Variants in CCDC192 observed in about 807,000 individuals in gnomAD.
The protein encoded by CCDC192 is coiled-coil domain containing 192.
At chr5:127,918,963 G>C (rs1175009639) in intron 6 of CCDC192, among the ~76,000 whole-genome samples, 1 of 146,820 alleles carries the variant, frequency 6.8e-6, no homozygotes, top group Non-Finnish European at 1.5e-5. Context: ...ATATGTGTGT[G>C]TCTGTGTGTA....
At chr5:127,870,453 G>A (rs1218664066) in intron 5 of CCDC192, among the ~76,000 whole-genome samples, 1 of 152,208 alleles carries the variant, frequency 6.6e-6, no homozygotes, top group Admixed American at 6.5e-5. Context: ...GCAGACTGAA[G>A]TTGTCATTGG....
At chr5:127,760,266 GT>G (rs143610102) in intron 3 of CCDC192, among the ~76,000 whole-genome samples, 31 of 147,520 alleles carry the variant, frequency 2.1e-4, no homozygotes, top group South Asian at 4.3e-4. Context: ...TAATACAGTG[GT>G]TTTTTTTTTT....
intron 2 of CCDC192, among the ~76,000 whole-genome samples, chr5:127,726,673 G>A (rs907825147): frequency 6.6e-6 from 1 of 152,236 alleles, no homozygotes; most frequent in East Asian, 1.9e-4. Flanking sequence ...GCCTCTTGAG[G>A]CTGGACCTCG....
chr5:127,887,110 T>C (rs1003036793), intron 6 of CCDC192, among the ~76,000 whole-genome samples: 2 of 151,922 alleles, frequency 1.3e-5, no homozygotes, highest in African/African-American at 4.8e-5. Flanking sequence ...GGCTGATCAC[T>C]TGAGGTAGGG....
In CCDC192 at chr5:127,836,830, G is replaced by A. The variant is rs569646316; in HGVS notation, c.411+38668G>A. Among the ~76,000 whole-genome samples, 37 of 81,562 alleles carry A rather than the reference G, an allele frequency of 4.5e-4. 10 individuals are homozygous for A. The South Asian group carries it at 0.011, about 24-fold the overall frequency. 53.5% of individuals were successfully genotyped at this position (81,562 alleles called of 152,430 possible). A position where few individuals can be genotyped will look rare whatever the true frequency, so the allele number is the denominator to read the frequency against. ...GTTTTCCCTCCTAGGCCTTGGGTCTGTGATGGCAGGGGCTGCTATGAAGGT... is the reference window on the plus strand; with the variant it reads ...GTTTTCCCTCCTAGGCCTTGGGTCTATGATGGCAGGGGCTGCTATGAAGGT... On this transcript the variant is annotated intron_variant, in intron 5 of 6. Coordinates refer to ENST00000514853, the MANE Select transcript of CCDC192 (RefSeq NM_001317938.2).
intron 3 of CCDC192, chr5:127,786,587 CT>C: frequency 1.4e-6 from 1 of 721,066 alleles, no homozygotes. Flanking sequence ...TCACATATTC[CT>C]TTCGTCCTTT....
At chr5:127,874,754 C>T (rs771485396) in intron 5 of CCDC192, among the ~76,000 whole-genome samples, 49 of 152,248 alleles carry the variant, frequency 3.2e-4, no homozygotes, top group Admixed American at 1.4e-3. Flanking sequence ...AACACGAAAG[C>T]GCAAATGCAA....
intron 2 of CCDC192, among the ~76,000 whole-genome samples, chr5:127,708,719 G>A (rs996320827): frequency 2.0e-5 from 3 of 152,106 alleles, no homozygotes; most frequent in African/African-American, 7.2e-5. Flanking sequence ...CTTCAAATAA[G>A]ATTTTTGGGA....
intron 5 of CCDC192, among the ~76,000 whole-genome samples, chr5:127,828,243 A>G (rs1235947805): frequency 6.6e-6 from 1 of 152,110 alleles, no homozygotes; most frequent in Non-Finnish European, 1.5e-5. Flanking sequence ...TCCACGATTC[A>G]TTTTTCAGTC....
At position 127,802,531 on chromosome 5, in the gene CCDC192, G is replaced by GC. The variant is rs1158569824; in HGVS notation, c.411+4371dup. The stretch of plus-strand genomic sequence containing the variant: ...AATGCCTGTCCCTGCCATTGAGTTT[G>GC]CCAGACTTTCCCCATTCTTTATCAA... On this transcript the variant is annotated intron_variant, in intron 5 of 6. Coordinates refer to ENST00000514853, the MANE Select transcript of CCDC192 (RefSeq NM_001317938.2). 3.3e-5 allele frequency among the ~76,000 whole-genome samples: 5 copies of GC among 152,230 alleles called. No homozygotes were observed. The East Asian group carries it at 9.7e-4, about 29-fold the overall frequency.
chr5:127,871,767 T>G (rs1170887877), intron 5 of CCDC192, among the ~76,000 whole-genome samples: 3 of 152,222 alleles, frequency 2.0e-5, no homozygotes, highest in Non-Finnish European at 4.4e-5. Context: ...TGCAAGCCAT[T>G]CAGCAATATG....
intron 5 of CCDC192, among the ~76,000 whole-genome samples, chr5:127,857,389 T>C (rs1429216004): frequency 2.0e-5 from 3 of 152,258 alleles, no homozygotes; most frequent in African/African-American, 7.2e-5. Flanking sequence ...TGTCAGCTTC[T>C]GCCATCATTA....
intron 5 of CCDC192, among the ~76,000 whole-genome samples, chr5:127,850,162 CT>C (rs1389883439): frequency 3.9e-5 from 6 of 152,136 alleles, no homozygotes; most frequent in Non-Finnish European, 8.8e-5. Context: ...ACTTAATCCC[CT>C]TATCTCTGGC....
At chr5:127,711,131 C>A (rs989238857) in intron 2 of CCDC192, among the ~76,000 whole-genome samples, 1 of 152,116 alleles carries the variant, frequency 6.6e-6, no homozygotes. Flanking sequence ...AGAATCTAGA[C>A]ACATAGAAAT....
chr5:127,771,285 A>G (rs762982833), intron 3 of CCDC192, among the ~76,000 whole-genome samples: 21 of 152,178 alleles, frequency 1.4e-4, no homozygotes, highest in Non-Finnish European at 2.9e-4. Flanking sequence ...ACCTTGTTTG[A>G]GTTTGTGGAA....
rs1039090382 is a variant in CCDC192 at position 127,744,872 on chromosome 5, C to A, written c.115-9396C>A. 3.6e-4 allele frequency among the ~76,000 whole-genome samples: 55 copies of A among 152,146 alleles called. 1 individual carries two copies. The highest frequency in any genetic ancestry group is 1.2e-3 in the African/African-American group (51 of 41,420). On this transcript the variant is annotated intron_variant, in intron 2 of 6. Transcript: ENST00000514853. ...TACCTCATTCAATTCTTAAAACAAC[C>A]GTTCCATCACTCAACCTCGTGACCA...
chr5:127,730,462 A>G (rs1252763947), intron 2 of CCDC192, among the ~76,000 whole-genome samples: 4 of 152,194 alleles, frequency 2.6e-5, no homozygotes, highest in Non-Finnish European at 4.4e-5. Context: ...AGCTGGTACC[A>G]TTTATTCTGA....
chr5:127,849,454 T>C (rs1416991015), intron 5 of CCDC192, among the ~76,000 whole-genome samples: 3 of 152,142 alleles, frequency 2.0e-5, no homozygotes, highest in African/African-American at 7.2e-5. Flanking sequence ...TTCAAGAGAA[T>C]GTCTGCAAGA....
chr5:127,818,068 C>A (rs1749111810), intron 5 of CCDC192, among the ~76,000 whole-genome samples: 1 of 152,102 alleles, frequency 6.6e-6, no homozygotes, highest in Admixed American at 6.5e-5. Flanking sequence ...TGAAAAAACC[C>A]AGCATAGCTT....
Sources: gnomAD v4.1 joint callset for allele counts (sites outside exome capture counted in the v4.1 genomes callset) on GRCh38, gnomAD v4.1.1 for gene constraint, MANE v1.5 for transcripts, NCBI Gene and HGNC (gene_info 2026-07-23, HGNC 2026-07-21) for gene names.